EEFSEC: variants seen among roughly 807,000 people sequenced by gnomAD.
EEFSEC encodes the protein selenocysteine-specific elongation factor.
Under a neutral mutation model 42.1 loss-of-function variants are expected in EEFSEC, and 43 were observed. That is an observed-to-expected ratio of 1.02 (90% confidence interval 0.80 to 1.32). The LOEUF (loss-of-function observed/expected upper bound fraction) is 1.32. Among genes scored for constraint, EEFSEC ranks in the 40% most tolerant of loss-of-function variants. The probability of loss-of-function intolerance (pLI) is 0.00; values close to 1 mark genes in which losing one functional copy is unlikely to be tolerated. For missense variants in EEFSEC, 745 were observed against 803.6 expected, an observed-to-expected ratio of 0.93 and a Z score of 0.88; for synonymous variants, 354 against 339.1, an observed-to-expected ratio of 1.04 and a Z score of -0.48.
intron 6 of EEFSEC, among the ~76,000 whole-genome samples, chr3:128,392,767 A>G (rs1417357536): frequency 6.6e-6 from 1 of 152,004 alleles, no homozygotes; most frequent in East Asian, 1.9e-4. Context: ...GTGTGGGGGG[A>G]TGACAGAGGC....
chr3:128,294,763 A>G (rs1345270271), intron 4 of EEFSEC, among the ~76,000 whole-genome samples: 2 of 152,252 alleles, frequency 1.3e-5, no homozygotes, highest in Non-Finnish European at 2.9e-5. Context: ...CATCAGAGGA[A>G]ACAGCATATG....
At chr3:128,214,431 A>C (rs950808336) in intron 1 of EEFSEC, among the ~76,000 whole-genome samples, 1 of 152,168 alleles carries the variant, frequency 6.6e-6, no homozygotes, top group African/African-American at 2.4e-5. Flanking sequence ...CTGACTTTTC[A>C]TTTCTGGAAC....
chr3:128,416,342 C>T, the EEFSEC span, among the ~76,000 whole-genome samples: 1 of 152,184 alleles, frequency 6.6e-6, no homozygotes, highest in Non-Finnish European at 1.5e-5. Flanking sequence ...GCAGGACCTC[C>T]CCACAGCGGC....
chr3:128,298,245 T>A (rs1275934188), intron 4 of EEFSEC, among the ~76,000 whole-genome samples: 1 of 152,180 alleles, frequency 6.6e-6, no homozygotes, highest in Non-Finnish European at 1.5e-5. Flanking sequence ...CCTCCCCAGC[T>A]CAAGCGATCT....
At chr3:128,357,456 CAG>C (rs2067468251) in intron 5 of EEFSEC, among the ~76,000 whole-genome samples, 1 of 152,250 alleles carries the variant, frequency 6.6e-6, no homozygotes, top group East Asian at 1.9e-4. Context: ...CCATGGCCAA[CAG>C]GGGCCAGGGA....
At chr3:128,158,455 C>T (rs1944417029) in intron 1 of EEFSEC, among the ~76,000 whole-genome samples, 1 of 152,192 alleles carries the variant, frequency 6.6e-6, no homozygotes, top group Non-Finnish European at 1.5e-5. Flanking sequence ...CCTGATGTGG[C>T]AAACTTCATT....
chr3:128,305,751 A>G (rs1158085166), intron 4 of EEFSEC, among the ~76,000 whole-genome samples: 2 of 152,114 alleles, frequency 1.3e-5, no homozygotes, highest in African/African-American at 2.4e-5. Flanking sequence ...GCATTTATCT[A>G]TCAATTCTAT....
intron 1 of EEFSEC, among the ~76,000 whole-genome samples, chr3:128,169,590 A>G (rs2065275304): frequency 6.6e-6 from 1 of 152,106 alleles, no homozygotes; most frequent in South Asian, 2.1e-4. Context: ...TTTCCATGGT[A>G]GAGGGATGGG....
intron 1 of EEFSEC, among the ~76,000 whole-genome samples, chr3:128,157,335 G>A (rs886472663): frequency 6.6e-6 from 1 of 152,240 alleles, no homozygotes; most frequent in African/African-American, 2.4e-5. Context: ...TGGTGATAGA[G>A]AAGCTGCAGC....
chr3:128,421,522 C>A, the EEFSEC span, among the ~76,000 whole-genome samples: 2 of 152,372 alleles, frequency 1.3e-5, no homozygotes, highest in East Asian at 1.9e-4. Flanking sequence ...CACCCCTGCA[C>A]CTGTGGCCCT....
the EEFSEC span, among the ~76,000 whole-genome samples, chr3:128,418,355 C>T: frequency 6.6e-6 from 1 of 151,928 alleles, no homozygotes; most frequent in Non-Finnish European, 1.5e-5. Flanking sequence ...TCCACGCACC[C>T]ACCTGTGCCT....
intron 1 of EEFSEC, among the ~76,000 whole-genome samples, chr3:128,200,295 C>CT (rs1197009245): frequency 1.9e-4 from 28 of 148,998 alleles, no homozygotes; most frequent in South Asian, 6.4e-4. Context: ...ACATGAATCT[C>CT]TTTTTTTTTT....
intron 4 of EEFSEC, among the ~76,000 whole-genome samples, chr3:128,325,553 T>C (rs868240159): frequency 1.1e-3 from 164 of 152,336 alleles, no homozygotes; most frequent in African/African-American, 3.6e-3. Context: ...TAAGAGTCTT[T>C]GCAGCCTCAG....
chr3:128,353,467 TC>T (rs2107582109), intron 5 of EEFSEC, among the ~76,000 whole-genome samples: 2 of 152,280 alleles, frequency 1.3e-5, no homozygotes, highest in South Asian at 4.1e-4. Context: ...CCTCTCCTCC[TC>T]CCTTCCAAAT....
At chr3:128,172,383 G>A (rs1459721698) in intron 1 of EEFSEC, among the ~76,000 whole-genome samples, 1 of 152,248 alleles carries the variant, frequency 6.6e-6, no homozygotes, top group Non-Finnish European at 1.5e-5. Context: ...CTCAAATGCA[G>A]ATGATTATCT....
intron 4 of EEFSEC, among the ~76,000 whole-genome samples, chr3:128,268,403 G>A (rs2066377759): frequency 6.6e-6 from 1 of 152,082 alleles, no homozygotes; most frequent in Admixed American, 6.5e-5. Context: ...GAGAGTTTGG[G>A]GGATGTTTGA....
downstream of EEFSEC, among the ~76,000 whole-genome samples, chr3:128,412,721 A>G (rs961196469): frequency 6.6e-6 from 1 of 152,218 alleles, no homozygotes; most frequent in African/African-American, 2.4e-5. Flanking sequence ...CATTTGACTG[A>G]TAACGGGGTT....
At chr3:128,222,090 G>A (rs1021151659) in intron 1 of EEFSEC, among the ~76,000 whole-genome samples, 2 of 138,738 alleles carry the variant, frequency 1.4e-5, no homozygotes, top group Non-Finnish European at 3.0e-5. Flanking sequence ...CTGGAGTGCA[G>A]TGGCACGATC....
chr3:128,157,368 A>G (rs1218174822), intron 1 of EEFSEC, among the ~76,000 whole-genome samples: 1 of 152,366 alleles, frequency 6.6e-6, no homozygotes. Flanking sequence ...AGATCTAGCT[A>G]AGATCATTGA....
Sources: gnomAD v4.1 joint callset for allele counts (sites outside exome capture counted in the v4.1 genomes callset) on GRCh38, gnomAD v4.1.1 for gene constraint, MANE v1.5 for transcripts, NCBI Gene and HGNC (gene_info 2026-07-23, HGNC 2026-07-21) for gene names.